ARID4B: variants seen among roughly 807,000 people sequenced by gnomAD.
ARID4B encodes AT-rich interactive domain-containing protein 4B.
Under a neutral mutation model 147.5 loss-of-function variants are expected in ARID4B, and 26 were observed. The observed-to-expected ratio is 0.18, with a 90% confidence interval of 0.13 to 0.24. The LOEUF is 0.24. ARID4B is among the 10% of genes least tolerant of loss of function. ARID4B has a pLI of 1.00. For synonymous variants in ARID4B, 512 were observed against 507.9 expected, an observed-to-expected ratio of 1.01 and a Z score of -0.11; for missense variants, 1,179 against 1,511.5, an observed-to-expected ratio of 0.78 and a Z score of 3.65.
rs139587964 is a variant in ARID4B, at chr1:235,220,852, T to C, written c.1164-307A>G. Among the ~76,000 whole-genome samples the C allele has an allele frequency of 5.9e-3, 895 of 152,214 alleles. 2 individuals are homozygous for C. Among genetic ancestry groups the C allele is most frequent in the Admixed American group, 7.8e-3 (119 of 15,276 alleles). On this transcript the variant is annotated intron_variant, in intron 14 of 23. Coordinates refer to ENST00000264183, the MANE Select transcript of ARID4B (RefSeq NM_016374.6). ...TCCTTAGTAAATCTCATTTAGTCAC[T>C]ACAGTAACCCTGGGGCACACAGCAG...
In ARID4B at chr1:235,295,226, T is replaced by C. The variant is rs148840528; in HGVS notation, c.6+31688A>G. ...TTTTAGCATAAGATAAAAAATGATATAGGCCGGGCATAGTGGCTCACGCCT... is the reference window on the plus strand; with the variant it reads ...TTTTAGCATAAGATAAAAAATGATACAGGCCGGGCATAGTGGCTCACGCCT... On this transcript the variant is annotated intron_variant, in intron 2 of 23. Coordinates refer to ENST00000264183, the MANE Select transcript of ARID4B (RefSeq NM_016374.6). Among the ~76,000 whole-genome samples the C allele has an allele frequency of 2.2e-3, 340 of 152,250 alleles. 3 individuals carry two copies. The highest frequency in any genetic ancestry group is 3.4e-3 in the Non-Finnish European group (233 of 68,010).
chr1:235,239,882 A>G (rs1668874772), intron 8 of ARID4B, among the ~76,000 whole-genome samples: 1 of 152,208 alleles, frequency 6.6e-6, no homozygotes, highest in Admixed American at 6.5e-5. Context: ...GTATAATTGC[A>G]GTCATGATTA....
At chr1:235,193,207 G>A (rs1297013696) in intron 19 of ARID4B, among the ~76,000 whole-genome samples, 3 of 152,230 alleles carry the variant, frequency 2.0e-5, no homozygotes, top group Non-Finnish European at 4.4e-5. Flanking sequence ...GACGAGCCTG[G>A]TCAACAGGGC....
At chr1:235,299,236 CAG>C (rs1449062641) in intron 2 of ARID4B, among the ~76,000 whole-genome samples, 11 of 152,160 alleles carry the variant, frequency 7.2e-5, no homozygotes, top group Non-Finnish European at 1.6e-4. Context: ...TTTATTGAGA[CAG>C]AGTCTTGCCC....
At chr1:235,262,117 T>C (rs1034243385) in intron 2 of ARID4B, among the ~76,000 whole-genome samples, 2 of 152,114 alleles carry the variant, frequency 1.3e-5, no homozygotes, top group Admixed American at 6.6e-5. Context: ...TCCCATAGAA[T>C]ATAAAGTGAG....
At chr1:235,173,810 ATATG>A (rs1297563510) in intron 22 of ARID4B, among the ~76,000 whole-genome samples, 994 of 74,658 alleles carry the variant, frequency 0.013, 36 homozygotes, top group Non-Finnish European at 0.017. Context: ...ATATATATAT[ATATG>A]TATACCTAAA....
chr1:235,218,791 T>C (rs1311144138), intron 16 of ARID4B, among the ~76,000 whole-genome samples: 2 of 151,966 alleles, frequency 1.3e-5, no homozygotes, highest in Non-Finnish European at 2.9e-5. Flanking sequence ...ACTATATTCA[T>C]ATAAGCCCCA....
chr1:235,223,400 T>TATATATATATACAC (rs1363678812), intron 12 of ARID4B, 140 bp from the exon 13 acceptor site: 1 of 187,540 alleles, frequency 5.3e-6, no homozygotes, highest in African/African-American at 2.9e-5. Context: ...TATATATGTG[T>TATATATATATACAC]GTGTATATAT....
At chr1:235,284,651 C>G (rs1265096754) in intron 2 of ARID4B, among the ~76,000 whole-genome samples, 1 of 152,088 alleles carries the variant, frequency 6.6e-6, no homozygotes, top group Non-Finnish European at 1.5e-5. Flanking sequence ...AACAAGATAC[C>G]ATCTCTAAAA....
chr1:235,253,384 T>C (rs939199280), intron 5 of ARID4B, among the ~76,000 whole-genome samples: 6 of 152,162 alleles, frequency 3.9e-5, no homozygotes, highest in African/African-American at 1.4e-4. Context: ...TAGCACCCCC[T>C]TCCCAGCTGT....
In ARID4B at chr1:235,304,606, T is replaced by C. The variant is rs187198144; in HGVS notation, c.6+22308A>G. Among the ~76,000 whole-genome samples, 354 of 152,298 alleles carry C rather than the reference T, an allele frequency of 2.3e-3. 1 individual carries two copies. Among genetic ancestry groups the C allele is most frequent in the Non-Finnish European group, 4.0e-3 (270 of 68,016 alleles). The stretch of plus-strand genomic sequence containing the variant: ...GGGGCACTCATCTGTTTTTCCACCA[T>C]TGTGCTATAAATCATCACCATCCTC... On this transcript the variant is annotated intron_variant, in intron 2 of 23. Coordinates refer to ENST00000264183, the MANE Select transcript of ARID4B (RefSeq NM_016374.6).
chr1:235,290,510 T>C (rs1419192906), intron 2 of ARID4B, among the ~76,000 whole-genome samples: 1 of 151,808 alleles, frequency 6.6e-6, no homozygotes, highest in Non-Finnish European at 1.5e-5. Flanking sequence ...CTCTTACAGA[T>C]GTATGAAATA....
intron 8 of ARID4B, 135 bp from the exon 9 acceptor site, chr1:235,234,627 C>G: frequency 1.7e-6 from 1 of 586,850 alleles, no homozygotes; most frequent in Non-Finnish European, 3.1e-6. Context: ...AACAGGCACA[C>G]ACACACACGT....
chr1:235,182,828 A>G (rs770773977), intron 19 of ARID4B, 35 bp from the exon 20 acceptor site: 13 of 1,544,484 alleles, frequency 8.4e-6, no homozygotes, highest in East Asian at 2.2e-5. Flanking sequence ...GATGAGTATG[A>G]TAAGAACACT....
intron 6 of ARID4B, 87 bp from the exon 7 acceptor site, chr1:235,246,598 TCA>T (rs753499605): frequency 1.4e-5 from 13 of 927,920 alleles, no homozygotes; most frequent in Non-Finnish European, 2.2e-5. Context: ...AAGAATATGC[TCA>T]GATTTTGAGA....
At chr1:235,253,772 T>C (rs1669784907) in intron 5 of ARID4B, among the ~76,000 whole-genome samples, 1 of 152,192 alleles carries the variant, frequency 6.6e-6, no homozygotes, top group Non-Finnish European at 1.5e-5. Context: ...TTAGAAATCA[T>C]GGGAAGACAG....
At chr1:235,180,435 AC>A (rs1664242186) in intron 20 of ARID4B, 1 of 152,070 alleles carries the variant, frequency 6.6e-6, no homozygotes, top group Non-Finnish European at 1.5e-5. Context: ...GTGAGTGACC[AC>A]ACCTGGCCAG....
intron 2 of ARID4B, among the ~76,000 whole-genome samples, chr1:235,321,829 A>G (rs1674858707): frequency 6.6e-6 from 1 of 151,428 alleles, no homozygotes; most frequent in African/African-American, 2.4e-5. Context: ...GCTCAGATCT[A>G]TCCTCTCTGC....
At chr1:235,283,803 G>A (rs892301285) in intron 2 of ARID4B, among the ~76,000 whole-genome samples, 1 of 151,922 alleles carries the variant, frequency 6.6e-6, no homozygotes, top group African/African-American at 2.4e-5. Flanking sequence ...TGGTGCAATC[G>A]CGGCTCACTG....
Sources: allele counts gnomAD v4.1 joint callset (sites outside exome capture counted in the v4.1 genomes callset), GRCh38; gene constraint gnomAD v4.1.1; transcripts MANE v1.5; gene names NCBI Gene and HGNC (gene_info 2026-07-23, HGNC 2026-07-21).